Variants in GMPS observed in about 807,000 individuals in gnomAD.
The protein encoded by GMPS is guanosine monophosphate synthase, also known as GMP synthase [glutamine-hydrolyzing].
A neutral mutation model predicts 77.9 loss-of-function variants in GMPS; 15 were observed. The observed-to-expected ratio is 0.19, with a 90% confidence interval of 0.13 to 0.30. GMPS has a LOEUF of 0.30. GMPS is among the 10% of genes least tolerant of loss of function. GMPS has a pLI of 1.00. For missense variants in GMPS, 590 were observed against 838.8 expected (o/e 0.70, Z 3.66); for synonymous variants, 224 against 275.9 (o/e 0.81, Z 1.86).
At chr3:155,879,191 G>A (rs1049075114) in intron 1 of GMPS, among the ~76,000 whole-genome samples, 3 of 151,618 alleles carry the variant, frequency 2.0e-5, no homozygotes, top group Non-Finnish European at 2.9e-5. Context: ...TAGCTATCTG[G>A]GTATTATTAG....
At chr3:155,898,575 A>G (rs1168934270) in intron 3 of GMPS, among the ~76,000 whole-genome samples, 1 of 152,202 alleles carries the variant, frequency 6.6e-6, no homozygotes, top group African/African-American at 2.4e-5. Flanking sequence ...AGTCAGGACT[A>G]TGTGTTGTTT....
intron 5 of GMPS, among the ~76,000 whole-genome samples, chr3:155,908,413 A>G (rs571868570): frequency 2.6e-5 from 4 of 152,332 alleles, no homozygotes; most frequent in East Asian, 3.9e-4. Context: ...CTTTTTCTCA[A>G]TAAATTCCAT....
At chr3:155,928,370 A>G (rs924777786) in intron 12 of GMPS, among the ~76,000 whole-genome samples, 3 of 152,032 alleles carry the variant, frequency 2.0e-5, no homozygotes, top group Non-Finnish European at 2.9e-5. Context: ...GCATTCACAT[A>G]TGTTGAATTT....
intron 1 of GMPS, among the ~76,000 whole-genome samples, chr3:155,887,788 G>A (rs1042750299): frequency 6.6e-6 from 1 of 151,450 alleles, no homozygotes; most frequent in Non-Finnish European, 1.5e-5. Context: ...TACAGTTTAA[G>A]TCGTTCAGGT....
chr3:155,890,119 T>C (rs1177688736), intron 1 of GMPS, among the ~76,000 whole-genome samples: 1 of 152,202 alleles, frequency 6.6e-6, no homozygotes, highest in Non-Finnish European at 1.5e-5. Context: ...TTCTCCTGAA[T>C]TGTCAAAGCT....
At chr3:155,919,120 A>G (rs1755256781) in intron 9 of GMPS, 113 bp from the exon 10 acceptor site, 6 of 573,012 alleles carry the variant, frequency 1.0e-5, no homozygotes, top group Non-Finnish European at 1.9e-5. Context: ...TTTAGTAATA[A>G]TCTGTTAGTC....
chr3:155,899,938 A>G (rs1418331162), intron 3 of GMPS, among the ~76,000 whole-genome samples: 1 of 152,196 alleles, frequency 6.6e-6, no homozygotes, highest in African/African-American at 2.4e-5. Flanking sequence ...ATTTCTTTTT[A>G]GCACTGAATA....
intron 1 of GMPS, among the ~76,000 whole-genome samples, chr3:155,876,807 C>T (rs1754059395): frequency 6.6e-6 from 1 of 152,202 alleles, no homozygotes; most frequent in Non-Finnish European, 1.5e-5. Flanking sequence ...GAGTATTATT[C>T]TAAAATTCTT....
At chr3:155,879,730 C>CTTTTTTTTTTTTTT (rs58045835) in intron 1 of GMPS, among the ~76,000 whole-genome samples, 5 of 107,630 alleles carry the variant, frequency 4.6e-5, no homozygotes, top group African/African-American at 7.3e-5. Context: ...CTTTTTTGCC[C>CTTTTTTTTTTTTTT]TTTTTTTTTT....
intron 1 of GMPS, among the ~76,000 whole-genome samples, chr3:155,891,761 A>G (rs1754473409): frequency 6.6e-6 from 1 of 151,734 alleles, no homozygotes; most frequent in African/African-American, 2.4e-5. Flanking sequence ...TGCCCACCAC[A>G]ATGCCTGGCT....
Position 155,903,933 on chromosome 3 carries a change from G to A in GMPS, c.395G>A (p.Ser132Asn). Residue 132 changes from serine (S) to asparagine (N), a missense_variant, in exon 4 of 16, where the codon AGT (serine) becomes AAT (asparagine). Coordinates refer to ENST00000496455, the MANE Select transcript of GMPS (RefSeq NM_003875.3). The stretch of plus-strand genomic sequence containing the variant: ...AGAGAAGATGGAGTTTTCAACATTA[G>A]TGTGGATAATACATGTTCATTATTC... ...SVREDGVFNISVDNTCSLFRG... is the reference protein window; with the variant it reads ...SVREDGVFNINVDNTCSLFRG... 2.0e-6 allele frequency: 3 copies of A among 1,496,940 alleles called. No homozygotes were observed. Among genetic ancestry groups the A allele is most frequent in the Middle Eastern group, 1.7e-4 (1 of 5,840 alleles). The allele number at this position is 1,496,940 out of a possible 1,614,324, so 92.7% of individuals were successfully genotyped here.
intron 15 of GMPS, among the ~76,000 whole-genome samples, chr3:155,937,132 C>G (rs779795564): frequency 1.3e-5 from 2 of 152,200 alleles, no homozygotes; most frequent in Non-Finnish European, 2.9e-5. Context: ...AGTGAGCAGG[C>G]TATCCTCTCC....
chr3:155,919,640 C>T (rs1371547182), intron 10 of GMPS, among the ~76,000 whole-genome samples: 1 of 152,130 alleles, frequency 6.6e-6, no homozygotes, highest in Non-Finnish European at 1.5e-5. Context: ...AATATTGCCA[C>T]ACAGTCCTAG....
intron 11 of GMPS, among the ~76,000 whole-genome samples, chr3:155,924,114 A>G (rs893943594): frequency 1.3e-5 from 2 of 152,190 alleles, no homozygotes; most frequent in African/African-American, 2.4e-5. Flanking sequence ...TCCCGACCTC[A>G]GGTGATCACC....
At chr3:155,898,668 TA>T (rs1304896474) in intron 3 of GMPS, among the ~76,000 whole-genome samples, 1 of 152,252 alleles carries the variant, frequency 6.6e-6, no homozygotes, top group East Asian at 1.9e-4. Context: ...AAAGTATTTT[TA>T]AAAAGTACGT....
At chr3:155,910,340 A>C (rs1473358921) in intron 5 of GMPS, among the ~76,000 whole-genome samples, 4 of 152,148 alleles carry the variant, frequency 2.6e-5, no homozygotes, top group Non-Finnish European at 5.9e-5. Context: ...AGGCTGAGGC[A>C]GGTGGATCAC....
At chr3:155,897,076 G>C (rs542185907) in intron 2 of GMPS, among the ~76,000 whole-genome samples, 2 of 152,226 alleles carry the variant, frequency 1.3e-5, no homozygotes, top group South Asian at 4.1e-4. Context: ...ATTCCAATTG[G>C]TTGTAGTTAT....
rs1472076687 is a variant in GMPS, at chr3:155,912,970, A to T, written c.887-1449A>T. ...AACTGTGCTCTCCTTCCCCATCAGA[A>T]CACTGTGGATGTATTCTCTAGAGGG... On this transcript the variant is annotated intron_variant, in intron 7 of 15. Transcript: ENST00000496455. 2.0e-5 allele frequency among the ~76,000 whole-genome samples: 3 copies of T among 152,222 alleles called. No homozygotes were observed. In the East Asian group the frequency reaches 5.8e-4, roughly 29 times the overall value.
At chr3:155,929,649 A>G (rs199610928) in intron 12 of GMPS, among the ~76,000 whole-genome samples, 4,655 of 137,948 alleles carry the variant, frequency 0.034, 96 homozygotes, top group East Asian at 0.12. Context: ...TTAAGCTGAT[A>G]AGCAACTTCA....
Sources: gnomAD v4.1 joint callset for allele counts (sites outside exome capture counted in the v4.1 genomes callset) on GRCh38, gnomAD v4.1.1 for gene constraint, MANE v1.5 for transcripts, NCBI Gene and HGNC (gene_info 2026-07-23, HGNC 2026-07-21) for gene names.